Variants in MIB1 observed in about 807,000 individuals in gnomAD.
MIB1 encodes the protein E3 ubiquitin-protein ligase MIB1.
MIB1 carries 278 observed loss-of-function variants against 124.5 expected under a neutral mutation model. The observed-to-expected ratio is 2.23, with a 90% confidence interval of 2.02 to 2.47. The LOEUF (loss-of-function observed/expected upper bound fraction) is 2.47. Ranked by LOEUF, MIB1 falls within the 30% of genes most tolerant of loss-of-function variation. The pLI is 0.00. For missense variants in MIB1, 957 were observed against 1,254.4 expected (o/e 0.76, Z 3.58); for synonymous variants, 446 against 429.4 (o/e 1.04, Z -0.48).
intron 17 of MIB1, among the ~76,000 whole-genome samples, chr18:21,849,664 A>C (rs117930226): frequency 1.3e-5 from 2 of 151,982 alleles, no homozygotes; most frequent in Admixed American, 6.6e-5. Context: ...TTAGCTCTTA[A>C]TGTGTTTCCT....
At chr18:21,706,790 G>C (rs567585270) in intron 1 of MIB1, among the ~76,000 whole-genome samples, 108 of 152,300 alleles carry the variant, frequency 7.1e-4, no homozygotes, top group African/African-American at 2.4e-3. Context: ...CGCCATGCCT[G>C]AGCCGCACCC....
In MIB1 at chr18:21,799,838, C is replaced by T. The variant is rs749130045; in HGVS notation, c.1238-3C>T. The stretch of plus-strand genomic sequence containing the variant: ...ATTAGCAGCTTTATTTGATGCTTTA[C>T]AGAAAGACTCTCACAACTCCTGAAG... On this transcript the variant is annotated splice_region_variant and splice_polypyrimidine_tract_variant and intron_variant, in intron 8 of 20. Coordinates refer to ENST00000261537, the MANE Select transcript of MIB1 (RefSeq NM_020774.4). The T allele has an allele frequency of 1.9e-6, 3 of 1,608,274 alleles. No individual in the cohort carries two copies. The highest frequency in any genetic ancestry group is 1.7e-5 in the Admixed American group (1 of 59,754).
chr18:21,824,476 A>G (rs2041907046), intron 12 of MIB1, among the ~76,000 whole-genome samples: 2 of 152,166 alleles, frequency 1.3e-5, no homozygotes, highest in Non-Finnish European at 2.9e-5. Context: ...GCTGAGTGCT[A>G]TCTACAAAAT....
At chr18:21,816,370 A>C (rs1333325861) in intron 11 of MIB1, among the ~76,000 whole-genome samples, 1 of 152,106 alleles carries the variant, frequency 6.6e-6, no homozygotes, top group East Asian at 1.9e-4. Flanking sequence ...ATATATAGAA[A>C]ATGTAGTCTG....
intron 10 of MIB1, among the ~76,000 whole-genome samples, chr18:21,804,729 A>G (rs1322051668): frequency 1.3e-5 from 2 of 152,202 alleles, no homozygotes; most frequent in African/African-American, 2.4e-5. Flanking sequence ...GAATGTTGCA[A>G]TTTTGTCTAA....
chr18:21,765,893 ACATC>A lies in MIB1; in HGVS notation c.352_355del (p.His118IlefsTer2). The A allele has an allele frequency of 6.2e-7, 1 of 1,614,160 alleles. No homozygotes were observed. The highest frequency in any genetic ancestry group is 2.2e-5 in the East Asian group (1 of 44,880). On this transcript the variant is annotated frameshift_variant, in exon 2 of 21. Coordinates refer to ENST00000261537, the MANE Select transcript of MIB1 (RefSeq NM_020774.4). LOFTEE classifies it high-confidence loss of function. ...GCACAGTGTGTTATCATGGAGATAA[ACATC>A]ATTTAAGACATCGCTTTTACCGAAT...
chr18:21,790,701 A>G (rs530853632), intron 6 of MIB1, among the ~76,000 whole-genome samples: 1 of 152,336 alleles, frequency 6.6e-6, no homozygotes, highest in Non-Finnish European at 1.5e-5. Flanking sequence ...GTGGGATGGG[A>G]ATGGTGATCC....
rs557780007 is a variant in MIB1 at position 21,806,736 on chromosome 18, G to A, written c.1479+2722G>A. Among the ~76,000 whole-genome samples the A allele has an allele frequency of 1.3e-4, 20 of 151,218 alleles. No individual in the cohort carries two copies. In the South Asian group the frequency reaches 1.7e-3, roughly 13 times the overall value. On this transcript the variant is annotated intron_variant, in intron 10 of 20. Transcript: ENST00000261537. The stretch of plus-strand genomic sequence containing the variant: ...CCTCCCGGGTTCACGCCATTCTCCC[G>A]CCTCAGCCTCCCGAGTAGCTGGGAC...
chr18:21,782,542 T>C (rs2041382545), intron 6 of MIB1, among the ~76,000 whole-genome samples: 1 of 152,022 alleles, frequency 6.6e-6, no homozygotes, highest in African/African-American at 2.4e-5. Flanking sequence ...AATTTTAAAA[T>C]TTCCTTCTTA....
upstream of MIB1, among the ~76,000 whole-genome samples, chr18:21,736,720 A>G (rs1283059495): frequency 2.6e-5 from 4 of 152,222 alleles, no homozygotes; most frequent in Non-Finnish European, 5.9e-5. Flanking sequence ...GGTGAAGCAT[A>G]CACAAGTATC....
rs2042325001 is a variant in MIB1, at chr18:21,866,875, T to C, written c.*2209T>C. On this transcript the variant is annotated 3_prime_UTR_variant, in exon 21 of 21. Coordinates refer to ENST00000261537, the MANE Select transcript of MIB1 (RefSeq NM_020774.4). Reference sequence around the variant, plus strand: ...AGAAAATACTTCTTTATTCATGTTTTCAATCACTTAGAATTATTTTAAATT... The same window carrying C: ...AGAAAATACTTCTTTATTCATGTTTCCAATCACTTAGAATTATTTTAAATT... 1 of 152,648 alleles carries C rather than the reference T, an allele frequency of 6.6e-6. No individual in the cohort carries two copies. Among genetic ancestry groups the C allele is most frequent in the Non-Finnish European group, 1.5e-5 (1 of 68,042 alleles). The allele number at this position is 152,648 out of a possible 1,614,324, so 9.5% of individuals were successfully genotyped here. A position where few individuals can be genotyped will look rare whatever the true frequency, so the allele number is the denominator to read the frequency against.
chr18:21,799,812 T>C (rs1378984515), intron 8 of MIB1, 29 bp from the exon 9 acceptor site: 1 of 1,597,778 alleles, frequency 6.3e-7, no homozygotes, highest in Non-Finnish European at 8.5e-7. Context: ...GATCCTCCTA[T>C]ATTAGCAGCT....
chr18:21,836,692 T>C (rs1381073158), intron 12 of MIB1, among the ~76,000 whole-genome samples: 1 of 152,242 alleles, frequency 6.6e-6, no homozygotes, highest in East Asian at 1.9e-4. Flanking sequence ...ATTTTTACAT[T>C]TTGTTTTTAA....
intron 1 of MIB1, among the ~76,000 whole-genome samples, chr18:21,745,851 C>G (rs2040906990): frequency 6.6e-6 from 1 of 152,112 alleles, no homozygotes; most frequent in South Asian, 2.1e-4. Flanking sequence ...GAATTACAGG[C>G]ATGCACCACC....
At chr18:21,750,574 G>A (rs185291109) in intron 1 of MIB1, among the ~76,000 whole-genome samples, 3,177 of 152,142 alleles carry the variant, frequency 0.021, 57 homozygotes, top group Admixed American at 0.032. Flanking sequence ...TGATCCGCCC[G>A]CCTCGGCCTC....
At chr18:21,729,525 T>C (rs533422298) in intron 1 of MIB1, among the ~76,000 whole-genome samples, 2 of 152,204 alleles carry the variant, frequency 1.3e-5, no homozygotes, top group African/African-American at 4.8e-5. Context: ...AGTCTCACTC[T>C]GTCACCCAGG....
At chr18:21,738,621 A>G (rs1453912466), upstream of MIB1, among the ~76,000 whole-genome samples, 1 of 151,700 alleles carries the variant, frequency 6.6e-6, no homozygotes, top group Non-Finnish European at 1.5e-5. Flanking sequence ...TCCTGGCTAG[A>G]ATGGTGAAAC....
At chr18:21,822,709 T>TC (rs386365146) in intron 12 of MIB1, among the ~76,000 whole-genome samples, 10 of 151,328 alleles carry the variant, frequency 6.6e-5, no homozygotes, top group South Asian at 6.3e-4. Flanking sequence ...GGTTGATTTT[T>TC]CCCCCCCTAT....
intron 3 of MIB1, among the ~76,000 whole-genome samples, chr18:21,769,896 A>T (rs1029998847): frequency 1.3e-5 from 2 of 152,166 alleles, no homozygotes; most frequent in East Asian, 1.9e-4. Context: ...GATTTAACAC[A>T]TGTTGTGTTT....
Sources: allele counts gnomAD v4.1 joint callset (sites outside exome capture counted in the v4.1 genomes callset), GRCh38; gene constraint gnomAD v4.1.1; transcripts MANE v1.5; gene names NCBI Gene and HGNC (gene_info 2026-07-23, HGNC 2026-07-21).